The following EXOC6B variants were observed in gnomAD, a reference collection of about 807,000 sequenced individuals.
EXOC6B encodes the protein SEC15 homolog B.
A neutral mutation model predicts 113.5 loss-of-function variants in EXOC6B; 54 were observed. The ratio of observed to expected loss-of-function variants is 0.48; its 90% CI spans 0.38 to 0.60. The LOEUF is 0.60. EXOC6B is among the 20% of genes least tolerant of loss of function. The pLI is 0.00. For missense variants in EXOC6B, 797 were observed against 977.5 expected, an observed-to-expected ratio of 0.82 and a Z score of 2.46; for synonymous variants, 357 against 339.0, an observed-to-expected ratio of 1.05 and a Z score of -0.58.
At chr2:72,579,911 A>G (rs1035474855) in intron 6 of EXOC6B, among the ~76,000 whole-genome samples, 1 of 152,084 alleles carries the variant, frequency 6.6e-6, no homozygotes, top group African/African-American at 2.4e-5. Context: ...GGAGAAAGAT[A>G]GGTCTTACTC....
At chr2:72,333,752 C>A (rs1688534884) in intron 20 of EXOC6B, among the ~76,000 whole-genome samples, 2 of 152,060 alleles carry the variant, frequency 1.3e-5, no homozygotes, top group South Asian at 4.1e-4. Flanking sequence ...CCTGAATCCT[C>A]AAACTTTGGC....
In EXOC6B at chr2:72,465,175, T is replaced by A. The variant is rs1347908774; in HGVS notation, c.1965A>T (p.Val655=). The change falls in exon 18 of 22, where the codon GTA becomes GTT. Residue 655 remains valine, a synonymous_variant. Transcript: ENST00000272427. ...TGCCACTTACAGGAAGGTGTGTGAA[T>A]ACAGCAAAGGTGCTACGAAGAAAGG... ...LIAFLRSTFA[V]FTHLPGKVAQ... The A allele has an allele frequency of 1.2e-5, 19 of 1,611,220 alleles. No homozygotes were observed. The highest frequency in any genetic ancestry group is 1.4e-5 in the Non-Finnish European group (16 of 1,178,802).
At chr2:72,200,790 A>G (rs1324840603) in intron 20 of EXOC6B, among the ~76,000 whole-genome samples, 2 of 152,310 alleles carry the variant, frequency 1.3e-5, no homozygotes, top group East Asian at 3.9e-4. Flanking sequence ...AGGTGCCTAG[A>G]GAGGTGAAGG....
rs1295184068 is a variant in EXOC6B, at chr2:72,823,469, AAAAAAAAAACAAAAAAC to A, written c.113+2312_113+2328del. Among the ~76,000 whole-genome samples, 25 of 138,262 alleles carry A rather than the reference AAAAAAAAAACAAAAAAC, an allele frequency of 1.8e-4. 1 individual carries two copies. Among genetic ancestry groups the A allele is most frequent in the African/African-American group, 4.7e-4 (16 of 33,848 alleles). 90.7% of individuals were successfully genotyped at this position (138,262 alleles called of 152,430 possible). On this transcript the variant is annotated intron_variant, in intron 1 of 21. Transcript: ENST00000272427. ...AAATCAAAGTTTTAAGAAAAAAAAA[AAAAAAAAAACAAAAAAC>A]AAAAAAAAAGACAGTGGCCAGGCAC...
chr2:72,214,587 C>T (rs1680399371), intron 20 of EXOC6B, among the ~76,000 whole-genome samples: 1 of 152,088 alleles, frequency 6.6e-6, no homozygotes, highest in East Asian at 1.9e-4. Flanking sequence ...AGCCAATCTA[C>T]CACATTTCTG....
intron 20 of EXOC6B, among the ~76,000 whole-genome samples, chr2:72,200,417 T>C (rs924749636): frequency 6.6e-6 from 1 of 152,208 alleles, no homozygotes; most frequent in Non-Finnish European, 1.5e-5. Context: ...TTTTGCTATA[T>C]TGCCAAAGCT....
chr2:72,689,225 C>T (rs986338071), intron 6 of EXOC6B, among the ~76,000 whole-genome samples: 3 of 152,066 alleles, frequency 2.0e-5, no homozygotes, highest in Non-Finnish European at 4.4e-5. Context: ...ATGAAATTTC[C>T]GAAAGGTAAA....
chr2:72,741,802 C>T (rs775349517), intron 1 of EXOC6B, among the ~76,000 whole-genome samples: 48 of 152,276 alleles, frequency 3.2e-4, no homozygotes, highest in Non-Finnish European at 5.7e-4. Flanking sequence ...CCAATTGCTC[C>T]ATGAGCATAT....
chr2:72,581,822 T>A (rs972668491), intron 6 of EXOC6B, among the ~76,000 whole-genome samples: 1 of 152,196 alleles, frequency 6.6e-6, no homozygotes, highest in Admixed American at 6.5e-5. Flanking sequence ...CTGGCAGACC[T>A]GTAGGTGGGC....
chr2:72,520,052 T>C (rs1261995141), intron 8 of EXOC6B, among the ~76,000 whole-genome samples: 3 of 152,306 alleles, frequency 2.0e-5, no homozygotes, highest in East Asian at 3.9e-4. Flanking sequence ...CCCTAACACA[T>C]AACCCTTTTA....
chr2:72,303,500 A>AT (rs1190666508), intron 20 of EXOC6B, among the ~76,000 whole-genome samples: 1 of 149,908 alleles, frequency 6.7e-6, no homozygotes, highest in Non-Finnish European at 1.5e-5. Context: ...CAGTTCCAAG[A>AT]TTCTTTCCTC....
At chr2:72,438,039 T>C (rs185048649) in intron 18 of EXOC6B, among the ~76,000 whole-genome samples, 2 of 152,296 alleles carry the variant, frequency 1.3e-5, no homozygotes, top group East Asian at 1.9e-4. Context: ...GGTTAGATCA[T>C]TGAGTACACA....
At chr2:72,343,937 TA>T (rs1234924227) in intron 19 of EXOC6B, among the ~76,000 whole-genome samples, 1 of 152,180 alleles carries the variant, frequency 6.6e-6, no homozygotes, top group Non-Finnish European at 1.5e-5. Flanking sequence ...CCGTTCATTT[TA>T]ATTGGAGTTC....
chr2:72,504,745 C>T (rs114008126), intron 11 of EXOC6B, among the ~76,000 whole-genome samples: 4,791 of 152,196 alleles, frequency 0.031, 112 homozygotes, highest in Non-Finnish European at 0.048. Context: ...TTATTCCCTT[C>T]GTAGTGTATC....
intron 20 of EXOC6B, among the ~76,000 whole-genome samples, chr2:72,233,181 A>T (rs1681740083): frequency 6.6e-6 from 1 of 152,224 alleles, no homozygotes; most frequent in African/African-American, 2.4e-5. Context: ...CTGTGGAATC[A>T]TATTTTTGTA....
chr2:72,489,316 T>C (rs2105528556), intron 16 of EXOC6B, among the ~76,000 whole-genome samples: 1 of 152,334 alleles, frequency 6.6e-6, no homozygotes, highest in East Asian at 1.9e-4. Flanking sequence ...CACTGATTTA[T>C]CTTAAGGGCA....
At chr2:72,208,884 T>C (rs1440775581) in intron 20 of EXOC6B, among the ~76,000 whole-genome samples, 1 of 152,184 alleles carries the variant, frequency 6.6e-6, no homozygotes, top group Non-Finnish European at 1.5e-5. Context: ...AATGAATACA[T>C]AGGCAAGGAG....
chr2:72,494,368 A>T lies in EXOC6B; in HGVS notation c.1553+1062T>A, dbSNP rs545396770. Among the ~76,000 whole-genome samples, 5 of 152,248 alleles carry T rather than the reference A, an allele frequency of 3.3e-5. No homozygotes were observed. The South Asian group carries it at 1.0e-3, about 32-fold the overall frequency. ...GTGGGGGATGGAAACCCAGGGTAAAAAAGTTTTGGTTTGTAACTTCAAAAG... is the reference window on the plus strand; with the variant it reads ...GTGGGGGATGGAAACCCAGGGTAAATAAGTTTTGGTTTGTAACTTCAAAAG... On this transcript the variant is annotated intron_variant, in intron 15 of 21. Transcript: ENST00000272427.
At chr2:72,352,351 A>G (rs1689700060) in intron 19 of EXOC6B, among the ~76,000 whole-genome samples, 1 of 152,170 alleles carries the variant, frequency 6.6e-6, no homozygotes, top group African/African-American at 2.4e-5. Flanking sequence ...GGCTTTAAAA[A>G]GCCTATACAT....
Sources: gnomAD v4.1 joint callset for allele counts (sites outside exome capture counted in the v4.1 genomes callset) on GRCh38, gnomAD v4.1.1 for gene constraint, MANE v1.5 for transcripts, NCBI Gene and HGNC (gene_info 2026-07-23, HGNC 2026-07-21) for gene names.